Variants in SLC23A2 observed in about 807,000 individuals in gnomAD.
The protein encoded by SLC23A2 is Na(+)/L-ascorbic acid transporter 2.
In SLC23A2, 36 loss-of-function variants were observed where a neutral mutation model predicts 73.3. The observed-to-expected ratio is 0.49, with a 90% CI of 0.38 to 0.65. The LOEUF (loss-of-function observed/expected upper bound fraction) is 0.65. SLC23A2 is among the 30% of genes least tolerant of loss of function. SLC23A2 has a pLI of 0.00. For missense variants in SLC23A2, 507 were observed against 841.6 expected, an observed-to-expected ratio of 0.60 and a Z score of 4.92; for synonymous variants, 343 against 327.3, an observed-to-expected ratio of 1.05 and a Z score of -0.52.
intron 2 of SLC23A2, among the ~76,000 whole-genome samples, chr20:4,952,743 G>A (rs1027403744): frequency 5.9e-5 from 9 of 152,174 alleles, no homozygotes; most frequent in African/African-American, 2.2e-4. Context: ...TAATTAAATA[G>A]GCCAGGCGCA....
At chr20:4,858,812 A>G (rs1430959778) in intron 16 of SLC23A2, among the ~76,000 whole-genome samples, 2 of 152,142 alleles carry the variant, frequency 1.3e-5, no homozygotes, top group East Asian at 3.9e-4. Context: ...TGGACCCCTG[A>G]TCTCAGCCTT....
chr20:4,953,305 A>G (rs1209895108), intron 2 of SLC23A2, among the ~76,000 whole-genome samples: 1 of 152,096 alleles, frequency 6.6e-6, no homozygotes, highest in South Asian at 2.1e-4. Context: ...ACTCCATCAC[A>G]AAAATAATAA....
chr20:4,945,080 C>T (rs1282128455), intron 2 of SLC23A2, among the ~76,000 whole-genome samples: 1 of 151,712 alleles, frequency 6.6e-6, no homozygotes, highest in Non-Finnish European at 1.5e-5. Flanking sequence ...TTACCTAATA[C>T]ACAGAGTCCG....
rs1365520462 is a variant in SLC23A2, at chr20:4,857,479, T to G, written c.1721-275A>C. ...CATTCAAGCAATCACCTAATGACCT[T>G]CTGACCTCCCTATCCTTCTATGTGA... On this transcript the variant is annotated intron_variant, in intron 16 of 16. Coordinates refer to ENST00000338244, the MANE Select transcript of SLC23A2 (RefSeq NM_005116.6). The surrounding 1 kb of genome is among the most constrained non-coding windows in gnomAD (Gnocchi z 4.0). 6.6e-6 allele frequency among the ~76,000 whole-genome samples: 1 copy of G among 152,140 alleles called. No individual in the cohort carries two copies. The highest frequency in any genetic ancestry group is 1.5e-5 in the Non-Finnish European group (1 of 68,010).
chr20:4,890,352 T>C (rs72552208), intron 6 of SLC23A2, among the ~76,000 whole-genome samples: 12,425 of 152,164 alleles, frequency 0.082, 1,205 homozygotes, highest in African/African-American at 0.24. Flanking sequence ...GTGTACCAAC[T>C]ACTTTTAAAG....
At chr20:4,926,382 C>A (rs1005190492) in intron 3 of SLC23A2, among the ~76,000 whole-genome samples, 2 of 152,196 alleles carry the variant, frequency 1.3e-5, no homozygotes, top group African/African-American at 2.4e-5. Flanking sequence ...GGGCTGTTAA[C>A]TGGGCTTCCA....
chr20:5,008,059 G>A (rs1381925813), intron 1 of SLC23A2, among the ~76,000 whole-genome samples: 4 of 151,952 alleles, frequency 2.6e-5, no homozygotes, highest in East Asian at 3.9e-4. Flanking sequence ...ACAGGCATGC[G>A]CCACCACACC....
chr20:4,869,333 C>CAA (rs113853349), intron 12 of SLC23A2, among the ~76,000 whole-genome samples: 38 of 109,656 alleles, frequency 3.5e-4, no homozygotes, highest in East Asian at 7.7e-4. Context: ...AACAAACAAA[C>CAA]AAAAAAAAAA....
In SLC23A2 at chr20:4,862,171, C is replaced by T; in HGVS notation, c.1487-86G>A. ...CAGGTGAGGGCAGGCTCCCTGGCAC[C>T]CCTTCTCTGTCCAACAGAAACCAAT... is the stretch of plus-strand genomic sequence containing the variant. On this transcript the variant is annotated intron_variant, in intron 14 of 16. Transcript: ENST00000338244. The surrounding 1 kb of genome is among the most constrained non-coding windows in gnomAD (Gnocchi z 5.1). The T allele has an allele frequency of 7.3e-7, 1 of 1,364,984 alleles. No individual in the cohort carries two copies. Among genetic ancestry groups the T allele is most frequent in the Non-Finnish European group, 1.0e-6 (1 of 977,668 alleles). 84.6% of individuals were successfully genotyped at this position (1,364,984 alleles called of 1,614,324 possible).
intron 3 of SLC23A2, among the ~76,000 whole-genome samples, chr20:4,927,050 C>G (rs1219628279): frequency 1.3e-5 from 2 of 151,924 alleles, no homozygotes; most frequent in African/African-American, 4.8e-5. Context: ...GATTCTGAGG[C>G]AAATGAGAAA....
chr20:4,924,608 G>A (rs968305176), intron 3 of SLC23A2, among the ~76,000 whole-genome samples: 1 of 152,200 alleles, frequency 6.6e-6, no homozygotes, highest in African/African-American at 2.4e-5. Context: ...ACCCTGGTGA[G>A]GCCCACAAGA....
chr20:4,860,764 G>A (rs558219666), intron 15 of SLC23A2, among the ~76,000 whole-genome samples: 44 of 152,312 alleles, frequency 2.9e-4, no homozygotes, highest in African/African-American at 1.0e-3. Flanking sequence ...AATGAGGCTG[G>A]GCACAGTGGC....
intron 9 of SLC23A2, among the ~76,000 whole-genome samples, chr20:4,882,546 C>T (rs778931363): frequency 6.6e-6 from 1 of 151,984 alleles, no homozygotes; most frequent in African/African-American, 2.4e-5. Context: ...TTTATTTGTA[C>T]GTCATGTTCT....
Position 4,868,268 on chromosome 20 carries a change from T to A in SLC23A2, c.1251-393A>T, listed in dbSNP as rs939927109. 6.6e-6 allele frequency among the ~76,000 whole-genome samples: 1 copy of A among 152,026 alleles called. No individual in the cohort carries two copies. The highest frequency in any genetic ancestry group is 2.4e-5 in the African/African-American group (1 of 41,374). On this transcript the variant is annotated intron_variant, in intron 12 of 16. Transcript: ENST00000338244. This position sits in a 1 kb window ranked among gnomAD's most constrained non-coding sequence, Gnocchi z 4.4. ...TTTGTATTTTTAGTAGAGACGGGGT[T>A]TCACCATGTGGCCAGGCTGGTGTGG...
At chr20:4,939,919 G>A (rs578099501) in intron 2 of SLC23A2, among the ~76,000 whole-genome samples, 2 of 152,330 alleles carry the variant, frequency 1.3e-5, no homozygotes, top group East Asian at 1.9e-4. Context: ...GAAAGGTACT[G>A]TAAGAATATT....
intron 15 of SLC23A2, among the ~76,000 whole-genome samples, chr20:4,860,719 A>G (rs1377768521): frequency 6.6e-6 from 1 of 152,262 alleles, no homozygotes; most frequent in East Asian, 1.9e-4. Context: ...TATGGTATAT[A>G]CACACAAAGG....
rs572515088 is a variant in SLC23A2 at position 4,885,942 on chromosome 20, G to T, written c.483-33C>A. The T allele has an allele frequency of 1.2e-4, 177 of 1,470,078 alleles. 2 individuals are homozygous for T. The South Asian group carries it at 2.0e-3, about 17-fold the overall frequency. The allele number at this position is 1,470,078 out of a possible 1,614,324, so 91.1% of individuals were successfully genotyped here. A position where few individuals can be genotyped will look rare whatever the true frequency, so the allele number is the denominator to read the frequency against. On this transcript the variant is annotated intron_variant, in intron 6 of 16. Coordinates refer to ENST00000338244, the MANE Select transcript of SLC23A2 (RefSeq NM_005116.6). ...AAACGAGACCAAAACCATGATCACGGCATCGGGAACTACCGAGGTAGTTCA... is the reference window on the plus strand; with the variant it reads ...AAACGAGACCAAAACCATGATCACGTCATCGGGAACTACCGAGGTAGTTCA...
chr20:4,867,628 A>T, intron 13 of SLC23A2, 142 bp downstream of exon 13: 2 of 278,458 alleles, frequency 7.2e-6, no homozygotes, highest in Non-Finnish European at 1.3e-5. Flanking sequence ...AAACACTTAA[A>T]AAAAAAAAAA....
In SLC23A2 at chr20:4,855,589, C is replaced by T. The variant is rs970228877; in HGVS notation, c.*1383G>A. 4 of 152,622 alleles carry T rather than the reference C, an allele frequency of 2.6e-5. No homozygotes were observed. Among genetic ancestry groups the T allele is most frequent in the Non-Finnish European group, 4.4e-5 (3 of 68,058 alleles). The allele number at this position is 152,622 out of a possible 1,614,324, so 9.5% of individuals were successfully genotyped here. ...TCTTATCACCTTTGGCAACCACCCT[C>T]ACCTGTAAAATCAAGATCTAACGGA... On this transcript the variant is annotated 3_prime_UTR_variant, in exon 17 of 17. Transcript: ENST00000338244.
Sources: allele counts gnomAD v4.1 joint callset (sites outside exome capture counted in the v4.1 genomes callset), GRCh38; gene constraint gnomAD v4.1.1; non-coding constraint Gnocchi (gnomAD v3.1); transcripts MANE v1.5; gene names NCBI Gene and HGNC (gene_info 2026-07-23, HGNC 2026-07-21).